The following PTPRN2 variants were observed in gnomAD, a reference collection of about 807,000 sequenced individuals.
PTPRN2 encodes the protein receptor-type tyrosine-protein phosphatase N2.
PTPRN2 carries 74 observed loss-of-function variants against 118.8 expected under a neutral mutation model. That is an observed-to-expected ratio of 0.62 (90% CI 0.52 to 0.76). PTPRN2 has a LOEUF of 0.76. PTPRN2 is among the 30% of genes least tolerant of loss of function. The pLI is 0.00. For synonymous variants in PTPRN2, 641 were observed against 608.0 expected (o/e 1.05, Z -0.80); for missense variants, 1,481 against 1,394.4 (o/e 1.06, Z -0.99).
At chr7:158,327,611 TAGC>T (rs1213198819) in intron 2 of PTPRN2, among the ~76,000 whole-genome samples, 1 of 152,230 alleles carries the variant, frequency 6.6e-6, no homozygotes, top group Admixed American at 6.5e-5. Context: ...ACACTCAGAA[TAGC>T]AGAAGGAGCC....
chr7:158,070,256 C>T (rs1211464140), intron 11 of PTPRN2, among the ~76,000 whole-genome samples: 1 of 151,576 alleles, frequency 6.6e-6, no homozygotes, highest in Non-Finnish European at 1.5e-5. Flanking sequence ...TAGAGGTGCT[C>T]ATGGTGATGG....
intron 1 of PTPRN2, among the ~76,000 whole-genome samples, chr7:158,586,225 A>C (rs1828915896): frequency 6.6e-6 from 1 of 152,234 alleles, no homozygotes; most frequent in South Asian, 2.1e-4. Flanking sequence ...GGAAACCTCA[A>C]GGCAAGGGAG....
At chr7:158,361,928 G>A (rs1809013715) in intron 2 of PTPRN2, among the ~76,000 whole-genome samples, 1 of 152,268 alleles carries the variant, frequency 6.6e-6, no homozygotes, top group Middle Eastern at 3.4e-3. Flanking sequence ...CGCTGAGCCT[G>A]GACCCTGCCT....
intron 12 of PTPRN2, among the ~76,000 whole-genome samples, chr7:157,724,935 T>C (rs1476692727): frequency 2.6e-5 from 4 of 152,216 alleles, no homozygotes; most frequent in East Asian, 1.9e-4. Flanking sequence ...ACAGAGTCAA[T>C]ATCTGGCTTG....
In PTPRN2 at chr7:158,574,239, C is replaced by T. The variant is rs544073598; in HGVS notation, c.112+13319G>A. Among the ~76,000 whole-genome samples the T allele has an allele frequency of 5.9e-5, 9 of 152,252 alleles. No individual in the cohort carries two copies. The South Asian group carries it at 1.9e-3, about 32-fold the overall frequency. On this transcript the variant is annotated intron_variant, in intron 1 of 22. Coordinates refer to ENST00000389418, the MANE Select transcript of PTPRN2 (RefSeq NM_002847.5). This position sits in a 1 kb window ranked among gnomAD's most constrained non-coding sequence, Gnocchi z 4.6. ...GCTCTCCAGATTAGACACTTAAAAACTAAGTATCTAAAATGTTATTAATCA... is the reference window on the plus strand; with the variant it reads ...GCTCTCCAGATTAGACACTTAAAAATTAAGTATCTAAAATGTTATTAATCA...
chr7:158,365,628 C>T (rs750957196), intron 2 of PTPRN2, among the ~76,000 whole-genome samples: 3 of 144,396 alleles, frequency 2.1e-5, no homozygotes, highest in Non-Finnish European at 4.4e-5. Context: ...CCACAGCATC[C>T]CTGGGAGAAG....
chr7:158,528,977 T>G (rs2129448604), intron 1 of PTPRN2, among the ~76,000 whole-genome samples: 1 of 152,152 alleles, frequency 6.6e-6, no homozygotes, highest in Middle Eastern at 3.4e-3. Flanking sequence ...GCCAGCCCTG[T>G]GAGGGAAACG....
rs149505400 is a variant in PTPRN2 at position 158,520,360 on chromosome 7, C to T, written c.113-30575G>A. On this transcript the variant is annotated intron_variant, in intron 1 of 22. Coordinates refer to ENST00000389418, the MANE Select transcript of PTPRN2 (RefSeq NM_002847.5). ...TCAGCAATGAAACGGACTCTGAGAACTTATTTTTCCTGAAAATTATTATTT... is the reference window on the plus strand; with the variant it reads ...TCAGCAATGAAACGGACTCTGAGAATTTATTTTTCCTGAAAATTATTATTT... Among the ~76,000 whole-genome samples the T allele has an allele frequency of 6.6e-5, 10 of 152,338 alleles. No individual in the cohort carries two copies. The East Asian group carries it at 1.9e-3, about 29-fold the overall frequency.
At chr7:158,475,741 C>T (rs961621687) in intron 2 of PTPRN2, among the ~76,000 whole-genome samples, 1 of 152,172 alleles carries the variant, frequency 6.6e-6, no homozygotes, top group African/African-American at 2.4e-5. Context: ...CAAGCCAAGG[C>T]ACACACACAC....
At chr7:157,812,588 C>G (rs971696173) in intron 12 of PTPRN2, among the ~76,000 whole-genome samples, 4 of 152,084 alleles carry the variant, frequency 2.6e-5, no homozygotes, top group Admixed American at 1.3e-4. Flanking sequence ...TCAGAGGAGA[C>G]CAGAAACTCT....
chr7:158,260,946 C>T (rs1485710541), intron 3 of PTPRN2, among the ~76,000 whole-genome samples: 5 of 152,260 alleles, frequency 3.3e-5, no homozygotes, highest in Non-Finnish European at 4.4e-5. Flanking sequence ...AGGAGGCAGA[C>T]GGGCAGGAGG....
intron 2 of PTPRN2, among the ~76,000 whole-genome samples, chr7:158,475,252 T>TCCACGGCTTCCCCTGTCTGGGGAGG (rs1346824456): frequency 7.4e-5 from 11 of 148,330 alleles, no homozygotes; most frequent in East Asian, 2.0e-4. Context: ...CCCCGAGGAC[T>TCCACGGCTTCCCCTGTCTGGGGAGG]CCCCGGCTTC....
intron 3 of PTPRN2, among the ~76,000 whole-genome samples, chr7:158,274,244 G>A (rs1458899331): frequency 6.7e-5 from 9 of 133,454 alleles, no homozygotes; most frequent in African/African-American, 2.0e-4. Flanking sequence ...CCACAGACAC[G>A]GGAGCCGCAG....
intron 3 of PTPRN2, among the ~76,000 whole-genome samples, chr7:158,307,916 G>A (rs947387195): frequency 6.6e-6 from 1 of 152,100 alleles, no homozygotes; most frequent in Non-Finnish European, 1.5e-5. Flanking sequence ...GGAGACCTGA[G>A]CTAGCACACT....
At chr7:157,802,563 C>T (rs553873484) in intron 12 of PTPRN2, among the ~76,000 whole-genome samples, 102 of 152,326 alleles carry the variant, frequency 6.7e-4, no homozygotes, top group Admixed American at 2.5e-3. Context: ...ACTTCGAGGT[C>T]CTGATTTAAC....
chr7:158,457,440 C>T (rs1323662773), intron 2 of PTPRN2, among the ~76,000 whole-genome samples: 3 of 152,054 alleles, frequency 2.0e-5, no homozygotes, highest in Non-Finnish European at 4.4e-5. Flanking sequence ...GCTACCTCGG[C>T]CTGCGGGACC....
At chr7:157,772,735 T>G (rs930510085) in intron 12 of PTPRN2, among the ~76,000 whole-genome samples, 3 of 152,166 alleles carry the variant, frequency 2.0e-5, no homozygotes, top group African/African-American at 7.2e-5. Flanking sequence ...GGGACCCCTG[T>G]GGGGGGTGGG....
At position 158,274,408 on chromosome 7, in the gene PTPRN2, G is replaced by A. The variant is rs1402269908; in HGVS notation, c.277+42411C>T. On this transcript the variant is annotated intron_variant, in intron 3 of 22. Coordinates refer to ENST00000389418, the MANE Select transcript of PTPRN2 (RefSeq NM_002847.5). The stretch of plus-strand genomic sequence containing the variant: ...GCCGCAGGCACAGGGGGAGCCACAG[G>A]CACAGGGGGAGCCGCAGACAGACAT... Among the ~76,000 whole-genome samples the A allele has an allele frequency of 2.5e-3, 241 of 98,360 alleles. 2 individuals are homozygous for A. The highest frequency in any genetic ancestry group is 8.2e-3 in the Middle Eastern group (1 of 122). The allele number at this position is 98,360 out of a possible 152,430, so 64.5% of individuals were successfully genotyped here.
intron 13 of PTPRN2, among the ~76,000 whole-genome samples, chr7:157,673,796 C>T (rs1796527271): frequency 6.6e-6 from 1 of 152,076 alleles, no homozygotes; most frequent in South Asian, 2.1e-4. Context: ...CCCAGGGCTC[C>T]CCGCGTTCTC....
Sources: gnomAD v4.1 joint callset for allele counts (sites outside exome capture counted in the v4.1 genomes callset) on GRCh38, gnomAD v4.1.1 for gene constraint, Gnocchi (gnomAD v3.1) non-coding constraint, MANE v1.5 for transcripts, NCBI Gene and HGNC (gene_info 2026-07-23, HGNC 2026-07-21) for gene names.